Variants in ADNP2 observed in about 807,000 individuals in gnomAD.
ADNP2 encodes ADNP homeobox 2, also known as activity-dependent neuroprotector homeobox protein 2.
A neutral mutation model predicts 16.4 loss-of-function variants in ADNP2; 8 were observed. The observed-to-expected ratio is 0.49, with a 90% confidence interval of 0.29 to 0.88. The LOEUF is 0.88. Ranked by LOEUF, ADNP2 falls within the 40% of genes least tolerant of loss-of-function variation. The pLI is 0.09. For missense variants in ADNP2, 1,397 were observed against 1,395.1 expected, an observed-to-expected ratio of 1.00 and a Z score of -0.02; for synonymous variants, 637 against 545.8, an observed-to-expected ratio of 1.17 and a Z score of -2.33.
At chr18:80,117,480 G>A (rs1158379740) in intron 1 of ADNP2, 50 bp from the exon 2 acceptor site, 10 of 1,120,992 alleles carry the variant, frequency 8.9e-6, no homozygotes, top group Non-Finnish European at 9.9e-6. Flanking sequence ...ATGTATTTTT[G>A]TGTATTATAT....
rs1415957503 is a variant in ADNP2, at chr18:80,125,684, G to A, written c.109-7419G>A. On this transcript the variant is annotated intron_variant, in intron 2 of 3. Transcript: ENST00000262198. ...AAAATAGCCAGGTGTGGTGGTGTGC[G>A]CTGGTAGTGTCAGGTACTCGGGAGG... Among the ~76,000 whole-genome samples the A allele has an allele frequency of 3.3e-5, 5 of 151,842 alleles. No homozygotes were observed. In the East Asian group the frequency reaches 5.8e-4, roughly 18 times the overall value.
At chr18:80,109,660 T>C (rs2052344072) in intron 1 of ADNP2, 188 bp downstream of exon 1, 1 of 148,570 alleles carries the variant, frequency 6.7e-6, no homozygotes, top group Admixed American at 6.7e-5. Context: ...AGGGCGCGGG[T>C]TCGCGGCCCG....
In ADNP2 at chr18:80,138,407, C is replaced by T. The variant is rs2052557859; in HGVS notation, c.2994C>T (p.Pro998=). Residue 998 remains proline (P), a synonymous_variant, in exon 4 of 4, where the codon CCC becomes CCT. Transcript: ENST00000262198. ...AGCGGCATGGGGAGGAGCAGCCTCCCATCCTAAATGCCGATGCAGCCCCGG... is the reference window on the plus strand; with the variant it reads ...AGCGGCATGGGGAGGAGCAGCCTCCTATCCTAAATGCCGATGCAGCCCCGG... ...EDQRHGEEQP[P]ILNADAAPGP... 1.9e-6 allele frequency: 3 copies of T among 1,613,924 alleles called. No homozygotes were observed. Among genetic ancestry groups the T allele is most frequent in the Non-Finnish European group, 2.5e-6 (3 of 1,180,022 alleles).
chr18:80,135,785 C>T lies in ADNP2; in HGVS notation c.372C>T (p.Phe124=). ...AGCCCAAAGTTGTGGGAAGGCACTT[C>T]AGAATGTTCCATGCACCTGTCCGGA... ...ASQPKVVGRH[F]RMFHAPVRKV... The change falls in exon 4 of 4, where the codon TTC becomes TTT. Residue 124 remains phenylalanine, a synonymous_variant. Transcript: ENST00000262198. 1 of 1,614,218 alleles carries T rather than the reference C, an allele frequency of 6.2e-7. No individual in the cohort carries two copies. Among genetic ancestry groups the T allele is most frequent in the Non-Finnish European group, 8.5e-7 (1 of 1,180,040 alleles).
chr18:80,134,974 A>G (rs1386138442), intron 3 of ADNP2, among the ~76,000 whole-genome samples: 1 of 152,250 alleles, frequency 6.6e-6, no homozygotes, highest in Non-Finnish European at 1.5e-5. Context: ...TTATGGATAA[A>G]TTCCAGAGGT....
chr18:80,126,195 T>A (rs765859327), intron 2 of ADNP2, among the ~76,000 whole-genome samples: 21 of 152,196 alleles, frequency 1.4e-4, no homozygotes, highest in South Asian at 4.1e-4. Context: ...TACTACTACT[T>A]CTTCTACAGT....
intron 2 of ADNP2, among the ~76,000 whole-genome samples, chr18:80,122,179 C>T (rs1278365347): frequency 2.6e-5 from 4 of 152,122 alleles, no homozygotes; most frequent in Admixed American, 6.5e-5. Flanking sequence ...CTCAGCCTCC[C>T]GAAGTGCTGG....
chr18:80,132,025 T>C (rs1254695495), intron 2 of ADNP2, among the ~76,000 whole-genome samples: 1 of 152,248 alleles, frequency 6.6e-6, no homozygotes, highest in Non-Finnish European at 1.5e-5. Context: ...AAGTACTTTT[T>C]TGTTTCTTTA....
In ADNP2 at chr18:80,136,104, A is replaced by G. The variant is rs750339846; in HGVS notation, c.691A>G (p.Met231Val). Residue 231 changes from methionine (M) to valine (V), a missense_variant, in exon 4 of 4, where the codon ATG becomes GTG. Coordinates refer to ENST00000262198, the MANE Select transcript of ADNP2 (RefSeq NM_014913.4). Reference sequence around the variant, plus strand: ...CAATGCCAGCAGCCAGGATGCGTTAATGTATCACATTTTGACATCAGACAT... The same window carrying G: ...CAATGCCAGCAGCCAGGATGCGTTAGTGTATCACATTTTGACATCAGACAT... ...NANASSQDAL[M>V]YHILTSDIHR... The G allele has an allele frequency of 2.0e-5, 32 of 1,614,240 alleles. No individual in the cohort carries two copies. Among genetic ancestry groups the G allele is most frequent in the Non-Finnish European group, 2.7e-5 (32 of 1,180,014 alleles).
Position 80,137,888 on chromosome 18 carries a change from C to G in ADNP2, c.2475C>G (p.Phe825Leu). ...ACCTGCTCTTTCCCCACCTTGATTT[C>G]ATCACCATATTGCCAAAGGAGAAGC... Reference protein sequence around the residue: ...NGNLLFPHLDFITILPKEKLG... With the variant: ...NGNLLFPHLDLITILPKEKLG... The change falls in exon 4 of 4, where the codon TTC (phenylalanine) becomes TTG (leucine). Residue 825 changes from phenylalanine to leucine, a missense_variant. Physicochemically the swap from Phe to Leu is conservative, Grantham distance 22 (BLOSUM62 0). This residue lies in a region of ADNP2 where 611 missense variants were observed against 648.7 expected (regional missense o/e 0.94). Coordinates refer to ENST00000262198, the MANE Select transcript of ADNP2 (RefSeq NM_014913.4). The surrounding 1 kb of genome is among the most constrained non-coding windows in gnomAD (Gnocchi z 4.2). 6.2e-7 allele frequency: 1 copy of G among 1,614,100 alleles called. No individual in the cohort carries two copies. Among genetic ancestry groups the G allele is most frequent in the Non-Finnish European group, 8.5e-7 (1 of 1,180,040 alleles).
In ADNP2 at chr18:80,136,883, C is replaced by T. The variant is rs751477477; in HGVS notation, c.1470C>T (p.Gly490=). The T allele has an allele frequency of 1.1e-5, 18 of 1,614,142 alleles. No homozygotes were observed. In the East Asian group the frequency reaches 3.3e-4, roughly 30 times the overall value. The change falls in exon 4 of 4, where the codon GGC becomes GGT. Residue 490 remains glycine (G), a synonymous_variant. Transcript: ENST00000262198. ...TCCAGTCAGGAGTTCTCCCTGTGGG[C>T]CAGACAGCTCCGTCACGGGTTCTTC... ...QMVQSGVLPV[G]QTAPSRVLPP...
chr18:80,130,446 A>G (rs1299276865), intron 2 of ADNP2, among the ~76,000 whole-genome samples: 1 of 152,226 alleles, frequency 6.6e-6, no homozygotes, highest in East Asian at 1.9e-4. Context: ...AGTGTTTTGT[A>G]TGACTACACT....
At position 80,138,222 on chromosome 18, in the gene ADNP2, C is replaced by T. The variant is rs1474057296; in HGVS notation, c.2809C>T (p.Arg937Cys). The T allele has an allele frequency of 4.3e-6, 7 of 1,614,132 alleles. No homozygotes were observed. The highest frequency in any genetic ancestry group is 2.2e-5 in the South Asian group (2 of 91,084). ...GGCTGCCATCGCCGTCCATTTGGTGCGCTGCAGAAGTGCTCCCAAGGACAG... is the reference window on the plus strand; with the variant it reads ...GGCTGCCATCGCCGTCCATTTGGTGTGCTGCAGAAGTGCTCCCAAGGACAG... The part of the protein sequence containing the change: ...TLAAIAVHLV[R>C]CRSAPKDSSS... Residue 937 changes from arginine to cysteine, a missense_variant, in exon 4 of 4, where the codon CGC (arginine) becomes TGC (cysteine). By Grantham distance (180) the Arg-to-Cys change is radical. Transcript: ENST00000262198.
chr18:80,135,706 A>T lies in ADNP2; in HGVS notation c.293A>T (p.Asp98Val), dbSNP rs1330070873. Residue 98 changes from aspartate to valine, a missense_variant, in exon 4 of 4, where the codon GAT (aspartate) becomes GTT (valine). Coordinates refer to ENST00000262198, the MANE Select transcript of ADNP2 (RefSeq NM_014913.4). ...FKNHLHRYHE[D>V]EIDQELVIPC... ...AATCATTTACATCGTTACCATGAAG[A>T]TGAAATTGACCAAGAGCTGGTGATC... The T allele has an allele frequency of 1.2e-6, 2 of 1,614,136 alleles. No homozygotes were observed. Among genetic ancestry groups the T allele is most frequent in the African/African-American group, 2.7e-5 (2 of 74,946 alleles).
At position 80,135,907 on chromosome 18, in the gene ADNP2, C is replaced by G. The variant is rs748105670; in HGVS notation, c.494C>G (p.Thr165Ser). The change falls in exon 4 of 4, where the codon ACT (threonine) becomes AGT (serine). Residue 165 changes from threonine (T) to serine (S), a missense_variant. By Grantham distance (58) the Thr-to-Ser change is moderately conservative. Around this residue, in one of 3 missense-constraint regions of ADNP2, gnomAD observed 777 missense variants for 719.4 expected, o/e 1.08. Coordinates refer to ENST00000262198, the MANE Select transcript of ADNP2 (RefSeq NM_014913.4). Reference sequence around the variant, plus strand: ...TGTCTAAAATGTAACTTTTCAAACACTTTGTACTACAGCATGAAGAAGCAT... The same window carrying G: ...TGTCTAAAATGTAACTTTTCAAACAGTTTGTACTACAGCATGAAGAAGCAT... ...FTCLKCNFSNTLYYSMKKHVL... is the reference protein window; with the variant it reads ...FTCLKCNFSNSLYYSMKKHVL... 1.2e-6 allele frequency: 2 copies of G among 1,614,110 alleles called. No homozygotes were observed. The highest frequency in any genetic ancestry group is 4.5e-5 in the East Asian group (2 of 44,898).
rs761309403 is a variant in ADNP2 at position 80,136,855 on chromosome 18, T to A, written c.1442T>A (p.Met481Lys). The change falls in exon 4 of 4, where the codon ATG becomes AAG. Residue 481 changes from methionine to lysine, a missense_variant. Around this residue, in one of 3 missense-constraint regions of ADNP2, gnomAD observed 777 missense variants for 719.4 expected, o/e 1.08. Coordinates refer to ENST00000262198, the MANE Select transcript of ADNP2 (RefSeq NM_014913.4). ...ATSGVLPTGQMVQSGVLPVGQ... is the reference protein window; with the variant it reads ...ATSGVLPTGQKVQSGVLPVGQ... Reference sequence around the variant, plus strand: ...TCTGGGGTTCTTCCTACTGGCCAGATGGTCCAGTCAGGAGTTCTCCCTGTG... The same window carrying A: ...TCTGGGGTTCTTCCTACTGGCCAGAAGGTCCAGTCAGGAGTTCTCCCTGTG... The A allele has an allele frequency of 6.8e-6, 11 of 1,614,010 alleles. No homozygotes were observed. In the East Asian group the frequency reaches 1.1e-4, roughly 16 times the overall value.
At position 80,138,370 on chromosome 18, in the gene ADNP2, G is replaced by A. The variant is rs75868400; in HGVS notation, c.2957G>A (p.Gly986Glu). The change falls in exon 4 of 4, where the codon GGG becomes GAG. Residue 986 changes from glycine to glutamate, a missense_variant. Coordinates refer to ENST00000262198, the MANE Select transcript of ADNP2 (RefSeq NM_014913.4). Reference sequence around the variant, plus strand: ...AGAAAGCTGCCTGACGGCCACTTAGGGGCCGAAGACCAGCGGCATGGGGAG... The same window carrying A: ...AGAAAGCTGCCTGACGGCCACTTAGAGGCCGAAGACCAGCGGCATGGGGAG... ...VKRKLPDGHL[G>E]AEDQRHGEEQ... 9.0e-3 allele frequency: 14,573 copies of A among 1,614,072 alleles called. 96 individuals are homozygous for A. The highest frequency in any genetic ancestry group is 0.011 in the Non-Finnish European group (12,992 of 1,180,032).
Position 80,133,099 on chromosome 18 carries a change from A to G in ADNP2, c.109-4A>G. On this transcript the variant is annotated splice_region_variant and splice_polypyrimidine_tract_variant and intron_variant, in intron 2 of 3. Coordinates refer to ENST00000262198, the MANE Select transcript of ADNP2 (RefSeq NM_014913.4). Reference sequence around the variant, plus strand: ...AATCTCTTTTTTTTCTCCCTTTTTAAAAGGACCTTAAAGGCTTTGATCCAG... The same window carrying G: ...AATCTCTTTTTTTTCTCCCTTTTTAGAAGGACCTTAAAGGCTTTGATCCAG... 6.3e-7 allele frequency: 1 copy of G among 1,579,858 alleles called. No homozygotes were observed. The highest frequency in any genetic ancestry group is 1.2e-5 in the South Asian group (1 of 85,732).
rs564307452 is a variant in ADNP2, at chr18:80,137,416, C to T, written c.2003C>T (p.Ala668Val). Residue 668 changes from alanine (A) to valine (V), a missense_variant, in exon 4 of 4, where the codon GCT becomes GTT. Ala to Val is a moderately conservative substitution (Grantham distance 64). Around this residue, in one of 3 missense-constraint regions of ADNP2, gnomAD observed 611 missense variants for 648.7 expected, o/e 0.94. Transcript: ENST00000262198. This position sits in a 1 kb window ranked among gnomAD's most constrained non-coding sequence, Gnocchi z 4.2. Reference protein sequence around the residue: ...GMPSPPVLVNAAQSVFVQASS... With the variant: ...GMPSPPVLVNVAQSVFVQASS... ...CCCTCTCCTCCAGTGCTGGTGAATG[C>T]TGCTCAGAGCGTGTTTGTTCAGGCC... The T allele has an allele frequency of 6.2e-6, 10 of 1,614,096 alleles. No homozygotes were observed. The highest frequency in any genetic ancestry group is 1.7e-6 in the Non-Finnish European group (2 of 1,180,060).
Sources: gnomAD v4.1 joint callset for allele counts (sites outside exome capture counted in the v4.1 genomes callset) on GRCh38, gnomAD v4.1.1 for gene constraint, gnomAD v4.1.1 regional missense constraint, Gnocchi (gnomAD v3.1) non-coding constraint, MANE v1.5 for transcripts, NCBI Gene and HGNC (gene_info 2026-07-23, HGNC 2026-07-21) for gene names.